Variants in AGBL1 observed in about 807,000 individuals in gnomAD.
AGBL1 encodes AGBL carboxypeptidase 1.
A neutral mutation model predicts 118.9 loss-of-function variants in AGBL1; 130 were observed. That is an observed-to-expected ratio of 1.09 (90% CI 0.95 to 1.26). The LOEUF (loss-of-function observed/expected upper bound fraction) is 1.26, where lower values mean the gene tolerates loss of function less well. AGBL1 is among the 50% of genes most tolerant of loss of function. AGBL1 has a pLI of 0.00. For missense variants in AGBL1, 1,584 were observed against 1,298.1 expected (o/e 1.22, Z -3.38); for synonymous variants, 555 against 478.9 (o/e 1.16, Z -2.08).
intron 18 of AGBL1, among the ~76,000 whole-genome samples, chr15:86,470,420 G>A (rs1596155028): frequency 6.6e-6 from 1 of 151,968 alleles, no homozygotes; most frequent in South Asian, 2.1e-4. Context: ...GTGTTTCATT[G>A]GTCTGTATGT....
Position 86,625,364 on chromosome 15 carries a change from CGTTTTTTTTTTTTTGTTTTTGTTT to C in AGBL1, c.2995-48908_2995-48885del, listed in dbSNP as rs2084868167. Among the ~76,000 whole-genome samples the C allele has an allele frequency of 1.8e-4, 12 of 68,260 alleles. 2 individuals are homozygous for C. The highest frequency in any genetic ancestry group is 2.8e-5 in the Non-Finnish European group (1 of 35,668). The allele number at this position is 68,260 out of a possible 152,430, so 44.8% of individuals were successfully genotyped here. ...CAGCCTCCAAGGTAGAAGAAATTAG[CGTTTTTTTTTTTTTGTTTTTGTTT>C]TTTTTTTTTTTTACAAACACAGAAA... On this transcript the variant is annotated intron_variant, in intron 21 of 22. Coordinates refer to ENST00000614907, the MANE Select transcript of AGBL1 (RefSeq NM_001386094.1).
At chr15:86,689,754 C>T (rs2086130308) in intron 22 of AGBL1, among the ~76,000 whole-genome samples, 1 of 151,890 alleles carries the variant, frequency 6.6e-6, no homozygotes, top group Non-Finnish European at 1.5e-5. Flanking sequence ...TGTGATACTA[C>T]AACACATTAG....
At chr15:86,186,267 G>A (rs1357183862) in intron 5 of AGBL1, among the ~76,000 whole-genome samples, 1 of 152,200 alleles carries the variant, frequency 6.6e-6, no homozygotes, top group Non-Finnish European at 1.5e-5. Context: ...AATAGCTAAT[G>A]TATGCTGGAC....
chr15:86,992,212 C>T (rs576906559), intron 24 of AGBL1, among the ~76,000 whole-genome samples: 1 of 152,008 alleles, frequency 6.6e-6, no homozygotes, highest in African/African-American at 2.4e-5. Flanking sequence ...CATGTGCTCT[C>T]AGATTGAGAA....
At chr15:86,109,950 C>T (rs1345892542) in intron 1 of AGBL1, 2 of 152,126 alleles carry the variant, frequency 1.3e-5, no homozygotes, top group Non-Finnish European at 2.9e-5. Context: ...TTCCGCTAAA[C>T]CCAAGCTAAA....
chr15:86,201,716 G>A (rs2077910012), intron 5 of AGBL1, among the ~76,000 whole-genome samples: 1 of 152,214 alleles, frequency 6.6e-6, no homozygotes, highest in Admixed American at 6.5e-5. Flanking sequence ...AAAGACTAAT[G>A]TGCCCAATTC....
intron 18 of AGBL1, among the ~76,000 whole-genome samples, chr15:86,502,597 G>GTT (rs35270382): frequency 0.037 from 5,329 of 145,602 alleles, 114 homozygotes; most frequent in Non-Finnish European, 0.058. Context: ...TCCCTTCTTA[G>GTT]TTTTTTTTTT....
chr15:86,200,069 C>T (rs77983831), intron 5 of AGBL1, among the ~76,000 whole-genome samples: 4,720 of 152,200 alleles, frequency 0.031, 114 homozygotes, highest in East Asian at 0.084. Flanking sequence ...TCCATGCAAA[C>T]GCTGTTAATT....
chr15:86,701,122 G>A (rs1469813836), intron 22 of AGBL1, among the ~76,000 whole-genome samples: 1 of 152,142 alleles, frequency 6.6e-6, no homozygotes, highest in African/African-American at 2.4e-5. Context: ...ATTATCCACA[G>A]TGCTTTTTAA....
chr15:87,007,530 T>A (rs546896702), intron 24 of AGBL1, among the ~76,000 whole-genome samples: 119 of 152,332 alleles, frequency 7.8e-4, no homozygotes, highest in Non-Finnish European at 9.8e-4. Context: ...ACAAATATAT[T>A]GCTAGCATTA....
At chr15:87,018,786 T>A (rs551195574) in intron 24 of AGBL1, among the ~76,000 whole-genome samples, 1 of 152,016 alleles carries the variant, frequency 6.6e-6, no homozygotes, top group East Asian at 1.9e-4. Context: ...AAAGCTTAAA[T>A]GTTAATAGGC....
chr15:86,519,733 C>T (rs2083163482), intron 18 of AGBL1, among the ~76,000 whole-genome samples: 1 of 151,716 alleles, frequency 6.6e-6, no homozygotes, highest in Admixed American at 6.6e-5. Context: ...TCCACACAAC[C>T]TATCTACACA....
intron 22 of AGBL1, among the ~76,000 whole-genome samples, chr15:86,730,310 CAG>C (rs1461305358): frequency 2.6e-5 from 4 of 152,146 alleles, no homozygotes; most frequent in Non-Finnish European, 5.9e-5. Context: ...AAACTATCAA[CAG>C]AGTCAACAGA....
chr15:86,103,045 C>T (rs913235507), intron 1 of AGBL1, among the ~76,000 whole-genome samples: 6 of 151,922 alleles, frequency 3.9e-5, no homozygotes, highest in African/African-American at 1.4e-4. Flanking sequence ...TTCCAAAGAC[C>T]TGTTTTCAAG....
chr15:86,970,426 A>G (rs2081095212), intron 23 of AGBL1, among the ~76,000 whole-genome samples: 1 of 151,936 alleles, frequency 6.6e-6, no homozygotes, highest in Non-Finnish European at 1.5e-5. Flanking sequence ...GATTCCATTT[A>G]CATTTATTTT....
chr15:86,395,402 C>T (rs530387688), intron 17 of AGBL1, among the ~76,000 whole-genome samples: 153 of 152,184 alleles, frequency 1.0e-3, no homozygotes, highest in Admixed American at 3.9e-3. Flanking sequence ...AATACCATCA[C>T]ATCTTTGGAA....
At chr15:86,812,116 A>T (rs188428929) in intron 22 of AGBL1, among the ~76,000 whole-genome samples, 15 of 152,328 alleles carry the variant, frequency 9.8e-5, no homozygotes, top group African/African-American at 2.6e-4. Context: ...AGGTCTCCTG[A>T]TACCCATCCT....
intron 18 of AGBL1, among the ~76,000 whole-genome samples, chr15:86,507,355 T>C (rs925554693): frequency 2.6e-5 from 4 of 152,090 alleles, no homozygotes; most frequent in African/African-American, 9.7e-5. Context: ...TAAAAATATG[T>C]TTCCCAGAAA....
intron 17 of AGBL1, chr15:86,296,704 G>C (rs1042529370): frequency 6.6e-6 from 1 of 152,196 alleles, no homozygotes; most frequent in Non-Finnish European, 1.5e-5. Flanking sequence ...TGAATAATAA[G>C]GGATTTTCCA....
Sources: allele counts gnomAD v4.1 joint callset (sites outside exome capture counted in the v4.1 genomes callset), GRCh38; gene constraint gnomAD v4.1.1; transcripts MANE v1.5; gene names NCBI Gene and HGNC (gene_info 2026-07-23, HGNC 2026-07-21).